Variants in MDGA2 observed in about 807,000 individuals in gnomAD.
MDGA2 encodes the protein MAM domain containing glycosylphosphatidylinositol anchor 2, also known as MAM domain-containing glycosylphosphatidylinositol anchor protein 2.
A neutral mutation model predicts 117.8 loss-of-function variants in MDGA2; 40 were observed. That is an observed-to-expected ratio of 0.34 (90% CI 0.26 to 0.44). MDGA2 has a LOEUF of 0.44. MDGA2 is among the 20% of genes least tolerant of loss of function. The pLI, the probability that MDGA2 is intolerant of heterozygous loss-of-function variation, is 1.00. For synonymous variants in MDGA2, 452 were observed against 439.0 expected (o/e 1.03, Z -0.37); for missense variants, 1,123 against 1,250.6 (o/e 0.90, Z 1.54).
intron 10 of MDGA2, among the ~76,000 whole-genome samples, chr14:46,882,823 G>C (rs1378653829): frequency 6.6e-6 from 1 of 151,792 alleles, no homozygotes; most frequent in African/African-American, 2.4e-5. Flanking sequence ...TTAAATCAGA[G>C]GACATCTCCA....
intron 1 of MDGA2, among the ~76,000 whole-genome samples, chr14:47,546,085 T>C (rs911033843): frequency 4.6e-5 from 7 of 152,172 alleles, no homozygotes; most frequent in African/African-American, 1.7e-4. Flanking sequence ...AAGTAGTATA[T>C]TGGTATGCTA....
chr14:47,262,531 T>C (rs1036906258), intron 2 of MDGA2, among the ~76,000 whole-genome samples: 2 of 152,180 alleles, frequency 1.3e-5, no homozygotes, highest in African/African-American at 4.8e-5. Flanking sequence ...AGAAAAATGA[T>C]GCAAATAGGC....
chr14:47,378,462 A>C (rs930591924), intron 1 of MDGA2, among the ~76,000 whole-genome samples: 3 of 152,116 alleles, frequency 2.0e-5, no homozygotes, highest in African/African-American at 7.2e-5. Flanking sequence ...GAAGCTAAAA[A>C]CCTTGAAAAA....
chr14:47,329,199 T>C (rs1226947547), intron 1 of MDGA2, among the ~76,000 whole-genome samples: 4 of 152,074 alleles, frequency 2.6e-5, no homozygotes, highest in Non-Finnish European at 5.9e-5. Flanking sequence ...CTCAAAGTGT[T>C]GAGATTACAC....
intron 14 of MDGA2, chr14:46,870,960 T>G (rs1022051633): frequency 1.3e-5 from 2 of 151,958 alleles, no homozygotes; most frequent in African/African-American, 4.8e-5. Flanking sequence ...AAATATTTAT[T>G]TAAAAATCAA....
At chr14:47,252,936 A>G (rs1462225995) in intron 2 of MDGA2, among the ~76,000 whole-genome samples, 2 of 152,268 alleles carry the variant, frequency 1.3e-5, no homozygotes, top group South Asian at 4.1e-4. Flanking sequence ...GCAGAAGGCG[A>G]AGCAAACATA....
chr14:47,434,100 A>G (rs1892851526), intron 1 of MDGA2, among the ~76,000 whole-genome samples: 1 of 152,124 alleles, frequency 6.6e-6, no homozygotes, highest in African/African-American at 2.4e-5. Context: ...ACTTTTGGTG[A>G]CAAAAATACA....
intron 8 of MDGA2, among the ~76,000 whole-genome samples, chr14:46,974,975 GA>G (rs1237769915): frequency 1.3e-5 from 2 of 151,890 alleles, no homozygotes; most frequent in African/African-American, 2.4e-5. Context: ...TTAGTATGGA[GA>G]ATGGATAAAA....
At chr14:47,610,223 G>C (rs1483471859) in intron 1 of MDGA2, among the ~76,000 whole-genome samples, 5 of 151,884 alleles carry the variant, frequency 3.3e-5, no homozygotes, top group African/African-American at 1.2e-4. Flanking sequence ...TACTGAATGG[G>C]GAAAAGCTGA....
At chr14:47,345,688 A>C (rs1433692476) in intron 1 of MDGA2, among the ~76,000 whole-genome samples, 1 of 152,142 alleles carries the variant, frequency 6.6e-6, no homozygotes, top group Non-Finnish European at 1.5e-5. Flanking sequence ...CCACTGTAAG[A>C]CTGAAGATGA....
chr14:47,370,869 T>A (rs1891341447), intron 1 of MDGA2, among the ~76,000 whole-genome samples: 1 of 151,806 alleles, frequency 6.6e-6, no homozygotes, highest in African/African-American at 2.4e-5. Context: ...TAACCACTTC[T>A]TAAATTTTGT....
At chr14:47,114,962 A>AAC (rs1474669677) in intron 5 of MDGA2, among the ~76,000 whole-genome samples, 2 of 151,646 alleles carry the variant, frequency 1.3e-5, no homozygotes, top group African/African-American at 4.8e-5. Flanking sequence ...AGCCAAAAAA[A>AAC]AAAAAAAAAT....
intron 1 of MDGA2, among the ~76,000 whole-genome samples, chr14:47,391,917 A>G (rs540760008): frequency 1.3e-5 from 2 of 152,270 alleles, no homozygotes; most frequent in African/African-American, 4.8e-5. Context: ...ACACCTCTTT[A>G]TGTTAATTAT....
At chr14:46,947,845 AAAT>A (rs1203256624) in intron 9 of MDGA2, among the ~76,000 whole-genome samples, 2 of 151,978 alleles carry the variant, frequency 1.3e-5, no homozygotes, top group Non-Finnish European at 2.9e-5. Context: ...TTTAAAAAAA[AAAT>A]CTCAGTTATT....
chr14:47,534,064 T>C (rs939953796), intron 1 of MDGA2, among the ~76,000 whole-genome samples: 2 of 152,008 alleles, frequency 1.3e-5, no homozygotes, highest in African/African-American at 4.8e-5. Context: ...GGGAGCCTCA[T>C]GTAACTTAGA....
intron 10 of MDGA2, among the ~76,000 whole-genome samples, chr14:46,882,900 C>T (rs995172892): frequency 5.3e-5 from 8 of 151,648 alleles, no homozygotes; most frequent in African/African-American, 1.5e-4. Flanking sequence ...AAGATGGAAG[C>T]GATGGTCTCC....
intron 2 of MDGA2, among the ~76,000 whole-genome samples, chr14:47,255,381 A>G (rs1887585183): frequency 6.6e-6 from 1 of 152,138 alleles, no homozygotes; most frequent in African/African-American, 2.4e-5. Context: ...CCTTACAGGT[A>G]GTGGGATCCA....
intron 8 of MDGA2, among the ~76,000 whole-genome samples, chr14:47,007,024 T>G (rs2138515855): frequency 6.6e-6 from 1 of 151,884 alleles, no homozygotes; most frequent in South Asian, 2.1e-4. Flanking sequence ...ACCAAGAAAC[T>G]TTAAGAATAT....
intron 8 of MDGA2, among the ~76,000 whole-genome samples, chr14:46,972,074 G>A (rs941767185): frequency 2.0e-5 from 3 of 152,124 alleles, no homozygotes; most frequent in Non-Finnish European, 4.4e-5. Flanking sequence ...GGGAACCTCA[G>A]AATCTATAGC....
Sources: allele counts gnomAD v4.1 joint callset (sites outside exome capture counted in the v4.1 genomes callset), GRCh38; gene constraint gnomAD v4.1.1; transcripts MANE v1.5; gene names NCBI Gene and HGNC (gene_info 2026-07-23, HGNC 2026-07-21).